Variants in OSBP2 observed in about 807,000 individuals in gnomAD.
The protein encoded by OSBP2 is oxysterol binding protein 2.
In OSBP2, 66 loss-of-function variants were observed where a neutral mutation model predicts 96.0. The ratio of observed to expected loss-of-function variants is 0.69; its 90% CI spans 0.56 to 0.84. The LOEUF (loss-of-function observed/expected upper bound fraction) is 0.84. OSBP2 is among the 40% of genes least tolerant of loss of function. OSBP2 has a pLI of 0.00. For synonymous variants in OSBP2, 525 were observed against 520.9 expected, an observed-to-expected ratio of 1.01 and a Z score of -0.11; for missense variants, 1,038 against 1,222.7, an observed-to-expected ratio of 0.85 and a Z score of 2.25.
At position 30,737,782 on chromosome 22, in the gene OSBP2, G is replaced by A. The variant is rs192990357; in HGVS notation, c.645-3379G>A. 8.3e-3 allele frequency among the ~76,000 whole-genome samples: 1,249 copies of A among 151,066 alleles called. 12 individuals are homozygous for A. Among genetic ancestry groups the A allele is most frequent in the Middle Eastern group, 0.021 (6 of 288 alleles). On this transcript the variant is annotated intron_variant, in intron 1 of 13. Transcript: ENST00000332585. The stretch of plus-strand genomic sequence containing the variant: ...GGCTGGAGTGCAGTGGCACGATCTC[G>A]GCTCACCACAACCTCTGCCTCCAGG...
At chr22:30,784,607 G>C (rs1189562661) in intron 2 of OSBP2, among the ~76,000 whole-genome samples, 1 of 152,036 alleles carries the variant, frequency 6.6e-6, no homozygotes, top group Non-Finnish European at 1.5e-5. Context: ...TTTTCTGCAA[G>C]TTGTGAGAAA....
chr22:30,741,709 C>G (rs572906981), intron 2 of OSBP2, among the ~76,000 whole-genome samples: 2 of 152,292 alleles, frequency 1.3e-5, no homozygotes, highest in East Asian at 3.9e-4. Context: ...AGCCGTTTCC[C>G]CAGGTTCCCC....
chr22:30,880,647 C>T (rs1473241627), intron 3 of OSBP2, among the ~76,000 whole-genome samples: 1 of 152,196 alleles, frequency 6.6e-6, no homozygotes, highest in Admixed American at 6.5e-5. Context: ...TGAGAGGCTG[C>T]CCTAGGTCAC....
chr22:30,805,109 A>G (rs866416872), intron 2 of OSBP2, among the ~76,000 whole-genome samples: 3 of 152,220 alleles, frequency 2.0e-5, no homozygotes, highest in Non-Finnish European at 4.4e-5. Flanking sequence ...GGAAGATACT[A>G]TCTGAGGGTT....
chr22:30,788,482 C>A (rs779695782), intron 2 of OSBP2, among the ~76,000 whole-genome samples: 18 of 152,136 alleles, frequency 1.2e-4, no homozygotes, highest in Non-Finnish European at 1.9e-4. Flanking sequence ...GCTGACAGAC[C>A]AGCCAAGGCC....
chr22:30,766,373 C>T (rs1290389092), intron 2 of OSBP2, among the ~76,000 whole-genome samples: 1 of 152,300 alleles, frequency 6.6e-6, no homozygotes, highest in South Asian at 2.1e-4. Context: ...GGTGCAAATT[C>T]CTTCCTCCCT....
intron 1 of OSBP2, among the ~76,000 whole-genome samples, chr22:30,730,052 T>A (rs139150892): frequency 2.4e-4 from 37 of 152,126 alleles, no homozygotes; most frequent in African/African-American, 8.7e-4. Context: ...AACCTCTGCC[T>A]CCCAGGTTCA....
In OSBP2 at chr22:30,905,865, T is replaced by C. The variant is rs2040322885; in HGVS notation, c.2404T>C (p.Ser802Pro). Reference sequence around the variant, plus strand: ...GAACGCGGAGAACATGTACTACTTCTCAGAGCTGGCCCTGACCCTCAACGA... The same window carrying C: ...GAACGCGGAGAACATGTACTACTTCCCAGAGCTGGCCCTGACCCTCAACGA... ...PENAENMYYF[S>P]ELALTLNEHE... Residue 802 changes from serine (S) to proline (P), a missense_variant, in exon 13 of 14, where the codon TCA becomes CCA. By Grantham distance (74) the Ser-to-Pro change is moderately conservative. Around this residue, in one of 3 missense-constraint regions of OSBP2, gnomAD observed 737 missense variants for 913.3 expected, o/e 0.81. Transcript: ENST00000332585. 1 of 1,613,244 alleles carries C rather than the reference T, an allele frequency of 6.2e-7. No homozygotes were observed.
At chr22:30,694,469 C>T, upstream of OSBP2, 2 of 1,222,598 alleles carry the variant, frequency 1.6e-6, no homozygotes, top group Non-Finnish European at 1.1e-6. Context: ...TGGCGGAGAG[C>T]GAACCCACCC....
At chr22:30,715,214 G>T (rs1467176233) in intron 1 of OSBP2, among the ~76,000 whole-genome samples, 1 of 151,916 alleles carries the variant, frequency 6.6e-6, no homozygotes, top group African/African-American at 2.4e-5. Context: ...GTTTCTTAAA[G>T]GTTCCAGTTT....
intron 2 of OSBP2, among the ~76,000 whole-genome samples, chr22:30,756,648 A>G (rs890601853): frequency 1.3e-5 from 2 of 152,160 alleles, no homozygotes; most frequent in Non-Finnish European, 2.9e-5. Flanking sequence ...AGCAAAGATC[A>G]TGCCGCTGCA....
intron 2 of OSBP2, among the ~76,000 whole-genome samples, chr22:30,839,696 T>G (rs1311442834): frequency 6.6e-6 from 1 of 151,848 alleles, no homozygotes; most frequent in Non-Finnish European, 1.5e-5. Context: ...TGGGGTTGTT[T>G]TTTTCTTGTA....
intron 2 of OSBP2, among the ~76,000 whole-genome samples, chr22:30,793,381 T>C (rs1283221074): frequency 6.6e-6 from 1 of 151,800 alleles, no homozygotes; most frequent in African/African-American, 2.4e-5. Flanking sequence ...AAAGAGGATT[T>C]AGGTCTGGGT....
At chr22:30,718,519 A>G (rs1011287494) in intron 1 of OSBP2, among the ~76,000 whole-genome samples, 12 of 152,204 alleles carry the variant, frequency 7.9e-5, no homozygotes, top group African/African-American at 1.9e-4. Flanking sequence ...TGGCACATCA[A>G]AGGACTCGGG....
intron 1 of OSBP2, among the ~76,000 whole-genome samples, chr22:30,699,003 A>T (rs1278130237): frequency 1.3e-5 from 2 of 151,958 alleles, no homozygotes; most frequent in Non-Finnish European, 2.9e-5. Flanking sequence ...GCACAGTGGC[A>T]CGATCTTGGC....
chr22:30,709,227 G>T (rs572361484), intron 1 of OSBP2, among the ~76,000 whole-genome samples: 1 of 152,288 alleles, frequency 6.6e-6, no homozygotes, highest in East Asian at 1.9e-4. Flanking sequence ...CACAATTTCA[G>T]TGGTTTCAAA....
chr22:30,723,504 C>T (rs748563972), intron 1 of OSBP2, among the ~76,000 whole-genome samples: 2 of 152,016 alleles, frequency 1.3e-5, no homozygotes, highest in African/African-American at 2.4e-5. Context: ...ACCTCTGCCT[C>T]CCAAGTTCGA....
intron 12 of OSBP2, chr22:30,902,836 G>A: frequency 1.2e-5 from 4 of 338,476 alleles, no homozygotes; most frequent in South Asian, 1.1e-4. Flanking sequence ...CCACAGCCTG[G>A]TGAACCCCTG....
intron 12 of OSBP2, among the ~76,000 whole-genome samples, chr22:30,899,513 C>T (rs943336548): frequency 6.6e-6 from 1 of 151,706 alleles, no homozygotes; most frequent in Admixed American, 6.6e-5. Context: ...AAGGAAAACA[C>T]GAGGCCCAGA....
Sources: gnomAD v4.1 joint callset for allele counts (sites outside exome capture counted in the v4.1 genomes callset) on GRCh38, gnomAD v4.1.1 for gene constraint, gnomAD v4.1.1 regional missense constraint, MANE v1.5 for transcripts, NCBI Gene and HGNC (gene_info 2026-07-23, HGNC 2026-07-21) for gene names.